The following PXT1 variants were observed in gnomAD, a reference collection of about 807,000 sequenced individuals.
PXT1 encodes the protein peroxisomal testis enriched protein 1, also known as peroxisomal testis-specific protein 1.
In PXT1, 11 loss-of-function variants were observed where a neutral mutation model predicts 11.0. That is an observed-to-expected ratio of 1.00 (90% confidence interval 0.63 to 1.66). The LOEUF is 1.66. Ranked by LOEUF, PXT1 falls within the 40% of genes most tolerant of loss-of-function variation. PXT1 has a pLI of 0.00. For missense variants in PXT1, 141 were observed against 155.5 expected, an observed-to-expected ratio of 0.91 and a Z score of 0.49; for synonymous variants, 43 against 51.4, an observed-to-expected ratio of 0.84 and a Z score of 0.70.
At chr6:36,424,220 T>C (rs1389014834) in intron 3 of PXT1, among the ~76,000 whole-genome samples, 2 of 152,212 alleles carry the variant, frequency 1.3e-5, no homozygotes, top group Non-Finnish European at 2.9e-5. Flanking sequence ...TCCGTACACT[T>C]TAAAAGGGTG....
intron 3 of PXT1, among the ~76,000 whole-genome samples, chr6:36,412,978 A>G (rs1418735374): frequency 6.6e-6 from 1 of 152,198 alleles, no homozygotes; most frequent in East Asian, 1.9e-4. Context: ...AGTTGAAAAC[A>G]TGAGAGAAAA....
intron 3 of PXT1, among the ~76,000 whole-genome samples, chr6:36,421,641 T>A (rs74555455): frequency 6.6e-6 from 1 of 152,166 alleles, no homozygotes; most frequent in Non-Finnish European, 1.5e-5. Flanking sequence ...TACAAACTTT[T>A]AAAAATATTT....
intron 1 of PXT1, among the ~76,000 whole-genome samples, chr6:36,439,777 A>G (rs2127419911): frequency 6.6e-6 from 1 of 152,304 alleles, no homozygotes; most frequent in South Asian, 2.1e-4. Flanking sequence ...GCCTGTTTGT[A>G]AACCATTAAC....
intron 2 of PXT1, among the ~76,000 whole-genome samples, chr6:36,436,747 TATC>T (rs1210650989): frequency 6.6e-6 from 1 of 152,162 alleles, no homozygotes; most frequent in Admixed American, 6.5e-5. Context: ...TGTGAATCAT[TATC>T]ATAAGGAATA....
intron 2 of PXT1, among the ~76,000 whole-genome samples, chr6:36,429,548 C>T (rs1259161407): frequency 7.7e-6 from 1 of 129,466 alleles, no homozygotes; most frequent in East Asian, 2.2e-4. Flanking sequence ...TCCTTTTACC[C>T]AGGCTGGAGT....
At chr6:36,406,141 C>T (rs1216853903) in intron 3 of PXT1, among the ~76,000 whole-genome samples, 1 of 152,148 alleles carries the variant, frequency 6.6e-6, no homozygotes, top group Non-Finnish European at 1.5e-5. Flanking sequence ...TCTGATTTGC[C>T]CACACCCCCT....
Position 36,425,808 on chromosome 6 carries a change from AT to A in PXT1, c.169+105del, listed in dbSNP as rs1382980130. Reference sequence around the variant, plus strand: ...GTCTCAAAAAACAAAAACAAAAAATATATATATATATATATATATATTTAAT... The same window carrying A: ...GTCTCAAAAAACAAAAACAAAAAATAATATATATATATATATATATTTAAT... On this transcript the variant is annotated intron_variant, in intron 3 of 4. Coordinates refer to ENST00000454782, the MANE Select transcript of PXT1 (RefSeq NM_152990.4). 690 of 158,014 alleles carry A rather than the reference AT, an allele frequency of 4.4e-3. 13 individuals carry two copies. Among genetic ancestry groups the A allele is most frequent in the South Asian group, 0.016 (134 of 8,344 alleles). The allele number at this position is 158,014 out of a possible 1,614,324, so 9.8% of individuals were successfully genotyped here.
At chr6:36,404,138 G>A (rs750038504) in intron 3 of PXT1, among the ~76,000 whole-genome samples, 16 of 152,084 alleles carry the variant, frequency 1.1e-4, no homozygotes, top group Non-Finnish European at 2.4e-4. Flanking sequence ...AGGTAAAAAG[G>A]GAACCAGGAA....
chr6:36,427,984 G>A (rs4713975), intron 2 of PXT1, among the ~76,000 whole-genome samples: 17,560 of 152,218 alleles, frequency 0.12, 1,219 homozygotes, highest in Admixed American at 0.23. Context: ...ATAGGGAGCT[G>A]AGAAATGAGG....
At chr6:36,425,805 A>AAACAAACAAAAAAAAAAAAAAAT (rs1554154141) in intron 3 of PXT1, 109 bp downstream of exon 3, 2 of 321,502 alleles carry the variant, frequency 6.2e-6, no homozygotes, top group African/African-American at 4.6e-5. Flanking sequence ...AAAAACAAAA[A>AAACAAACAAAAAAAAAAAAAAAT]ATATATATAT....
chr6:36,396,626 G>C (rs1774147950), intron 4 of PXT1, among the ~76,000 whole-genome samples: 1 of 152,222 alleles, frequency 6.6e-6, no homozygotes, highest in African/African-American at 2.4e-5. Flanking sequence ...CCAGTCCTGT[G>C]GACCAGAGTG....
At chr6:36,405,455 T>G (rs896479437) in intron 3 of PXT1, among the ~76,000 whole-genome samples, 1 of 152,134 alleles carries the variant, frequency 6.6e-6, no homozygotes, top group Non-Finnish European at 1.5e-5. Flanking sequence ...CTCAGCTCAC[T>G]GCAACCTTTG....
intron 3 of PXT1, among the ~76,000 whole-genome samples, chr6:36,418,839 T>G (rs1582262856): frequency 6.6e-6 from 1 of 152,306 alleles, no homozygotes; most frequent in Non-Finnish European, 1.5e-5. Context: ...GCCAGCTGGG[T>G]TCAAAGTTCT....
At chr6:36,424,640 AAAAAAC>A (rs1774576630) in intron 3 of PXT1, among the ~76,000 whole-genome samples, 1 of 152,200 alleles carries the variant, frequency 6.6e-6, no homozygotes, top group Admixed American at 6.5e-5. Context: ...CTCCGTCTCA[AAAAAAC>A]AAAAACAAAT....
chr6:36,426,763 T>C (rs1357356834), intron 2 of PXT1, among the ~76,000 whole-genome samples: 2 of 152,086 alleles, frequency 1.3e-5, no homozygotes, highest in African/African-American at 4.8e-5. Context: ...CAAAATAAAG[T>C]AGATCAAAAC....
intron 4 of PXT1, among the ~76,000 whole-genome samples, chr6:36,396,448 T>G (rs1774145367): frequency 6.6e-6 from 1 of 152,206 alleles, no homozygotes; most frequent in Non-Finnish European, 1.5e-5. Flanking sequence ...CTGCTGCCAC[T>G]GCCTGGCCTC....
At chr6:36,403,228 G>T (rs925586938) in intron 3 of PXT1, among the ~76,000 whole-genome samples, 2 of 152,228 alleles carry the variant, frequency 1.3e-5, no homozygotes, top group Admixed American at 1.3e-4. Context: ...GTTTAGAGCA[G>T]TTGAGTAACT....
intron 3 of PXT1, among the ~76,000 whole-genome samples, chr6:36,411,130 T>C (rs1774367095): frequency 6.6e-6 from 1 of 152,196 alleles, no homozygotes; most frequent in African/African-American, 2.4e-5. Context: ...TGGTTCATCT[T>C]ACAATTGATG....
chr6:36,442,823 T>C lies in PXT1; in HGVS notation c.-418A>G, dbSNP rs1676741389. Reference sequence around the variant, plus strand: ...AGAGGGTATGCGCAACTCAGAAAAGTGCGCCCGCTGAGGTTGGGTGCAGAG... The same window carrying C: ...AGAGGGTATGCGCAACTCAGAAAAGCGCGCCCGCTGAGGTTGGGTGCAGAG... On this transcript the variant is annotated 5_prime_UTR_variant, in exon 1 of 5. Transcript: ENST00000454782. 6.6e-6 allele frequency: 1 copy of C among 152,214 alleles called. No individual in the cohort carries two copies. The highest frequency in any genetic ancestry group is 1.5e-5 in the Non-Finnish European group (1 of 68,050). 9.4% of individuals were successfully genotyped at this position (152,214 alleles called of 1,614,324 possible).
Sources: allele counts gnomAD v4.1 joint callset (sites outside exome capture counted in the v4.1 genomes callset), GRCh38; gene constraint gnomAD v4.1.1; transcripts MANE v1.5; gene names NCBI Gene and HGNC (gene_info 2026-07-23, HGNC 2026-07-21).